Variants in NFIA observed in about 807,000 individuals in gnomAD.
NFIA encodes nuclear factor 1 A-type.
NFIA carries 8 observed loss-of-function variants against 62.8 expected under a neutral mutation model. That is an observed-to-expected ratio of 0.13 (90% CI 0.07 to 0.23). The LOEUF (loss-of-function observed/expected upper bound fraction) is 0.23, where lower values mean the gene tolerates loss of function less well. Among genes scored for constraint, NFIA ranks in the 10% least tolerant of loss-of-function variants. The pLI, the probability that NFIA is intolerant of heterozygous loss-of-function variation, is 1.00. For synonymous variants in NFIA, 235 were observed against 238.1 expected, an observed-to-expected ratio of 0.99 and a Z score of 0.12; for missense variants, 410 against 642.1, an observed-to-expected ratio of 0.64 and a Z score of 3.91.
At chr1:61,226,785 G>A (rs1654363159) in intron 2 of NFIA, among the ~76,000 whole-genome samples, 1 of 152,180 alleles carries the variant, frequency 6.6e-6, no homozygotes, top group Non-Finnish European at 1.5e-5. Flanking sequence ...TTCATGGGAA[G>A]AGCAAAGCAA....
Position 61,269,208 on chromosome 1 carries a change from G to A in NFIA, c.560-8312G>A, listed in dbSNP as rs181989238. On this transcript the variant is annotated intron_variant, in intron 2 of 10. Transcript: ENST00000403491. ...ATGAATACACTGTTCAACTCTTCACGTATAGAATTTAAAAAAAAAAAAAAG... is the reference window on the plus strand; with the variant it reads ...ATGAATACACTGTTCAACTCTTCACATATAGAATTTAAAAAAAAAAAAAAG... 3.4e-5 allele frequency among the ~76,000 whole-genome samples: 5 copies of A among 147,820 alleles called. No individual in the cohort carries two copies. In the East Asian group the frequency reaches 7.9e-4, roughly 23 times the overall value.
intron 2 of NFIA, among the ~76,000 whole-genome samples, chr1:61,096,943 G>A (rs1418705374): frequency 6.6e-6 from 1 of 151,972 alleles, no homozygotes; most frequent in Non-Finnish European, 1.5e-5. Flanking sequence ...TGACCAATAA[G>A]TATAATTTAT....
At chr1:61,153,611 A>G (rs888079395) in intron 2 of NFIA, among the ~76,000 whole-genome samples, 1 of 152,210 alleles carries the variant, frequency 6.6e-6, no homozygotes, top group African/African-American at 2.4e-5. Context: ...GAGTTGGTTG[A>G]CGTTTCAGCT....
intron 6 of NFIA, among the ~76,000 whole-genome samples, chr1:61,361,168 T>G (rs1449270559): frequency 6.6e-6 from 1 of 152,172 alleles, no homozygotes; most frequent in Non-Finnish European, 1.5e-5. Flanking sequence ...ACTCAAGGTG[T>G]GGTGGTTCTT....
At chr1:61,200,022 A>ATATATGTG (rs1652328724) in intron 2 of NFIA, among the ~76,000 whole-genome samples, 1 of 19,444 alleles carries the variant, frequency 5.1e-5, no homozygotes, top group African/African-American at 2.7e-4. Flanking sequence ...ATATATATAT[A>ATATATGTG]TATATATATA....
At chr1:61,314,033 G>T (rs1216142193) in intron 3 of NFIA, among the ~76,000 whole-genome samples, 1 of 152,216 alleles carries the variant, frequency 6.6e-6, no homozygotes, top group African/African-American at 2.4e-5. Context: ...CTGGCATGCA[G>T]TGAGCACTCA....
chr1:61,416,100 G>T (rs777759573), intron 9 of NFIA, among the ~76,000 whole-genome samples: 4 of 152,112 alleles, frequency 2.6e-5, no homozygotes, highest in African/African-American at 4.8e-5. Flanking sequence ...ATGCATGTAC[G>T]TATCAGACTG....
intron 2 of NFIA, among the ~76,000 whole-genome samples, chr1:61,228,093 T>C (rs552489826): frequency 6.6e-6 from 1 of 152,346 alleles, no homozygotes; most frequent in African/African-American, 2.4e-5. Flanking sequence ...ATTGAGTAAC[T>C]TGACTCATTC....
intron 8 of NFIA, 119 bp downstream of exon 8, chr1:61,404,401 C>G (rs1665719968): frequency 1.0e-6 from 1 of 1,004,298 alleles, no homozygotes; most frequent in East Asian, 2.6e-5. Flanking sequence ...TGACTGCAGG[C>G]AAATGTCATA....
chr1:61,394,964 G>A (rs114534171), intron 7 of NFIA, among the ~76,000 whole-genome samples: 3,772 of 152,196 alleles, frequency 0.025, 58 homozygotes, highest in Non-Finnish European at 0.04. Flanking sequence ...AAAATTAGCC[G>A]AGCGTGGTGG....
At chr1:61,197,990 AAAG>A (rs1233038992) in intron 2 of NFIA, among the ~76,000 whole-genome samples, 1 of 152,120 alleles carries the variant, frequency 6.6e-6, no homozygotes, top group East Asian at 1.9e-4. Flanking sequence ...AGAAAGAAAG[AAAG>A]AGAGAAAGAA....
At position 61,301,278 on chromosome 1, in the gene NFIA, CAAT is replaced by C. The variant is rs761774762; in HGVS notation, c.625+23696_625+23698del. 5.9e-5 allele frequency among the ~76,000 whole-genome samples: 9 copies of C among 152,160 alleles called. No individual in the cohort carries two copies. In the South Asian group the frequency reaches 1.7e-3, roughly 28 times the overall value. On this transcript the variant is annotated intron_variant, in intron 3 of 10. Transcript: ENST00000403491. Reference sequence around the variant, plus strand: ...GAGAACCTAATACAAAAGTGTAACTCAATAAAAGTGATTCTGAGTGATCCATGA... The same window carrying C: ...GAGAACCTAATACAAAAGTGTAACTCAAAAGTGATTCTGAGTGATCCATGA...
intron 6 of NFIA, among the ~76,000 whole-genome samples, chr1:61,371,499 A>G (rs1325703989): frequency 6.6e-6 from 1 of 152,158 alleles, no homozygotes; most frequent in Non-Finnish European, 1.5e-5. Context: ...CACATTTATT[A>G]TATTGGATCA....
At chr1:61,214,172 C>T (rs1483827933) in intron 2 of NFIA, among the ~76,000 whole-genome samples, 1 of 152,082 alleles carries the variant, frequency 6.6e-6, no homozygotes, top group Non-Finnish European at 1.5e-5. Flanking sequence ...GATGTAAATT[C>T]GTGGATTGTA....
chr1:61,108,639 A>AT (rs971166079), intron 2 of NFIA, among the ~76,000 whole-genome samples: 4 of 150,744 alleles, frequency 2.7e-5, no homozygotes, highest in East Asian at 1.9e-4. Flanking sequence ...GGCATTCTTG[A>AT]TTTTTTTTTC....
intron 7 of NFIA, among the ~76,000 whole-genome samples, chr1:61,401,717 C>T (rs757952246): frequency 2.0e-5 from 3 of 152,178 alleles, no homozygotes; most frequent in Non-Finnish European, 4.4e-5. Flanking sequence ...TGGCATTCTG[C>T]AAAAGTTGAG....
At chr1:61,130,847 A>G (rs776850282) in intron 2 of NFIA, among the ~76,000 whole-genome samples, 7 of 152,202 alleles carry the variant, frequency 4.6e-5, no homozygotes, top group Non-Finnish European at 8.8e-5. Flanking sequence ...TCCCATTCCA[A>G]TTCATCACTT....
intron 10 of NFIA, among the ~76,000 whole-genome samples, chr1:61,432,451 C>T (rs1303937628): frequency 1.3e-5 from 2 of 151,890 alleles, no homozygotes; most frequent in East Asian, 1.9e-4. Context: ...AGTTAGCTGA[C>T]GCCATTCCCG....
At chr1:61,402,293 C>T (rs1162119728) in intron 7 of NFIA, among the ~76,000 whole-genome samples, 2 of 152,084 alleles carry the variant, frequency 1.3e-5, no homozygotes, top group East Asian at 1.9e-4. Flanking sequence ...CTGCCTCAGC[C>T]TCCCAAATTG....
Sources: allele counts gnomAD v4.1 joint callset (sites outside exome capture counted in the v4.1 genomes callset), GRCh38; gene constraint gnomAD v4.1.1; transcripts MANE v1.5; gene names NCBI Gene and HGNC (gene_info 2026-07-23, HGNC 2026-07-21).